HGSNAT: variants seen among roughly 807,000 people sequenced by gnomAD.
The protein encoded by HGSNAT is heparan-alpha-glucosaminide N-acetyltransferase, also known as transmembrane protein 76.
HGSNAT carries 59 observed loss-of-function variants against 85.2 expected under a neutral mutation model. The observed-to-expected ratio is 0.69, with a 90% CI of 0.56 to 0.86. HGSNAT has a LOEUF of 0.86. HGSNAT is among the 40% of genes least tolerant of loss of function. The pLI is 0.00. For synonymous variants in HGSNAT, 321 were observed against 304.5 expected (o/e 1.05, Z -0.56); for missense variants, 756 against 777.1 (o/e 0.97, Z 0.32).
chr8:43,173,599 C>T, intron 8 of HGSNAT, 114 bp from the exon 9 acceptor site: 1 of 1,156,676 alleles, frequency 8.6e-7, no homozygotes, highest in Non-Finnish European at 1.3e-6. Flanking sequence ...GCATGAGTCA[C>T]TGCGCCTCCC....
intron 2 of HGSNAT, among the ~76,000 whole-genome samples, chr8:43,149,569 G>A (rs993410996): frequency 2.0e-4 from 31 of 151,906 alleles, no homozygotes; most frequent in African/African-American, 7.0e-4. Flanking sequence ...GCATGGTGGC[G>A]GGCGCCTGTA....
In HGSNAT at chr8:43,158,640, T is replaced by C. The variant is rs2130714138; in HGVS notation, c.300T>C (p.Ala100=). ...AAGCAGGGAAGCCTAGTGCTGCAGC[T>C]GCCTCTGTCAGCACCCAGCACGGAT... ...SPKAGKPSAA[A]ASVSTQHGSI... is the part of the protein sequence containing the mutation. The change falls in exon 3 of 18, where the codon GCT becomes GCC. Residue 100 remains alanine, a synonymous_variant. Coordinates refer to ENST00000379644, the MANE Select transcript of HGSNAT (RefSeq NM_152419.3). 1.2e-6 allele frequency: 2 copies of C among 1,613,624 alleles called. No individual in the cohort carries two copies. The highest frequency in any genetic ancestry group is 1.7e-6 in the Non-Finnish European group (2 of 1,179,530).
intron 5 of HGSNAT, among the ~76,000 whole-genome samples, chr8:43,166,535 T>G (rs1487130693): frequency 6.6e-6 from 1 of 152,240 alleles, no homozygotes; most frequent in Non-Finnish European, 1.5e-5. Flanking sequence ...CACATCTGTT[T>G]ACAGCGTGGC....
Position 43,173,769 on chromosome 8 carries a change from C to G in HGSNAT, c.851+26C>G, listed in dbSNP as rs772309382. 3 of 1,607,066 alleles carry G rather than the reference C, an allele frequency of 1.9e-6. No individual in the cohort carries two copies. In the Admixed American group the frequency reaches 5.1e-5, roughly 27 times the overall value. ...GTGAGTTGCCGGTCTGCCCTCTTCT[C>G]TTCCACGGGTTGACTCCAATCTCCT... is the stretch of plus-strand genomic sequence containing the variant. On this transcript the variant is annotated intron_variant, in intron 9 of 17. Transcript: ENST00000379644.
At chr8:43,179,272 G>T (rs1381816368) in intron 10 of HGSNAT, among the ~76,000 whole-genome samples, 1 of 151,020 alleles carries the variant, frequency 6.6e-6, no homozygotes, top group Non-Finnish European at 1.5e-5. Flanking sequence ...GGACGGGGCG[G>T]CTGGCCAGGC....
At position 43,169,223 on chromosome 8, in the gene HGSNAT, C is replaced by A. The variant is rs1454265686; in HGVS notation, c.614C>A (p.Thr205Asn). 1 of 1,584,756 alleles carries A rather than the reference C, an allele frequency of 6.3e-7. No individual in the cohort carries two copies. Among genetic ancestry groups the A allele is most frequent in the South Asian group, 1.2e-5 (1 of 86,216 alleles). ...TCTAAAGCCATAAGTTCTCGAGAAA[C>A]TGATCGCCTCATCAATTCTGTAAGT... The part of the protein sequence containing the change: ...WISKAISSRE[T>N]DRLINSELGS... The change falls in exon 6 of 18, where the codon ACT becomes AAT. Residue 205 changes from threonine (T) to asparagine (N), a missense_variant. Physicochemically the swap from Thr to Asn is moderately conservative, Grantham distance 65. Coordinates refer to ENST00000379644, the MANE Select transcript of HGSNAT (RefSeq NM_152419.3).
At chr8:43,141,103 G>A (rs1056380764) in intron 1 of HGSNAT, among the ~76,000 whole-genome samples, 9 of 152,216 alleles carry the variant, frequency 5.9e-5, no homozygotes, top group African/African-American at 2.2e-4. Context: ...CGACCCATTG[G>A]CTTCAGCGGG....
At chr8:43,157,754 G>T (rs1803136646) in intron 2 of HGSNAT, among the ~76,000 whole-genome samples, 1 of 151,944 alleles carries the variant, frequency 6.6e-6, no homozygotes, top group Non-Finnish European at 1.5e-5. Context: ...CTCCAACCTG[G>T]GTGACAGAGT....
In HGSNAT at chr8:43,200,466, C is replaced by T. The variant is rs924332577; in HGVS notation, c.*897C>T. 2.0e-5 allele frequency: 3 copies of T among 152,226 alleles called. No individual in the cohort carries two copies. The highest frequency in any genetic ancestry group is 4.4e-5 in the Non-Finnish European group (3 of 68,038). 9.4% of individuals were successfully genotyped at this position (152,226 alleles called of 1,614,324 possible). A position where few individuals can be genotyped will look rare whatever the true frequency, so the allele number is the denominator to read the frequency against. ...CTCTTAGACATGGTGAGGTAACAGACATCAAAAGCTTTTCTGAAATCTTCA... is the reference window on the plus strand; with the variant it reads ...CTCTTAGACATGGTGAGGTAACAGATATCAAAAGCTTTTCTGAAATCTTCA... On this transcript the variant is annotated 3_prime_UTR_variant, in exon 18 of 18. Coordinates refer to ENST00000379644, the MANE Select transcript of HGSNAT (RefSeq NM_152419.3).
rs2130714083 is a variant in HGSNAT, at chr8:43,158,634, T to C, written c.294T>C (p.Ala98=). The C allele has an allele frequency of 1.2e-6, 2 of 1,614,014 alleles. No individual in the cohort carries two copies. Among genetic ancestry groups the C allele is most frequent in the Non-Finnish European group, 1.7e-6 (2 of 1,179,862 alleles). Reference sequence around the variant, plus strand: ...GTCCAAAAGCAGGGAAGCCTAGTGCTGCAGCTGCCTCTGTCAGCACCCAGC... The same window carrying C: ...GTCCAAAAGCAGGGAAGCCTAGTGCCGCAGCTGCCTCTGTCAGCACCCAGC... ...PQSPKAGKPS[A]AAASVSTQHG... Residue 98 remains alanine, a synonymous_variant, in exon 3 of 18, where the codon GCT becomes GCC. Coordinates refer to ENST00000379644, the MANE Select transcript of HGSNAT (RefSeq NM_152419.3).
chr8:43,185,796 T>A (rs985983008), intron 11 of HGSNAT, among the ~76,000 whole-genome samples: 2 of 152,238 alleles, frequency 1.3e-5, no homozygotes, highest in Admixed American at 6.5e-5. Context: ...GCTCTTATTA[T>A]TTTGAGACAG....
intron 11 of HGSNAT, among the ~76,000 whole-genome samples, chr8:43,189,047 G>A (rs1212267393): frequency 6.6e-6 from 1 of 152,174 alleles, no homozygotes; most frequent in Non-Finnish European, 1.5e-5. Context: ...GGTCCCTACT[G>A]GGAGGTGTCT....
At chr8:43,189,687 C>T (rs751812833) in intron 11 of HGSNAT, among the ~76,000 whole-genome samples, 3 of 152,314 alleles carry the variant, frequency 2.0e-5, no homozygotes, top group South Asian at 2.1e-4. Flanking sequence ...CTGTCTTCTG[C>T]GTCGCTCACA....
chr8:43,147,471 C>G lies in HGSNAT; in HGVS notation c.234+408C>G, dbSNP rs112905711. ...CCTGCCTCCCTGATGATAACAAATG[C>G]ATTTTCTCTGAAGGTTTTACTCCTA... On this transcript the variant is annotated intron_variant, in intron 2 of 17. Transcript: ENST00000379644. Among the ~76,000 whole-genome samples, 648 of 152,248 alleles carry G rather than the reference C, an allele frequency of 4.3e-3. 4 individuals carry two copies. The highest frequency in any genetic ancestry group is 0.015 in the African/African-American group (608 of 41,538).
intron 13 of HGSNAT, 26 bp downstream of exon 13, chr8:43,192,456 A>T (rs748898043): frequency 5.1e-6 from 8 of 1,580,900 alleles, no homozygotes; most frequent in Non-Finnish European, 6.9e-6. Context: ...GTTCGCTTAG[A>T]ACTGGAACTC....
chr8:43,158,794 A>G (rs1803175849), intron 3 of HGSNAT, 83 bp downstream of exon 3: 1 of 1,504,554 alleles, frequency 6.6e-7, no homozygotes. Context: ...TTCTCTTTAC[A>G]GTATTTTTCT....
chr8:43,186,298 A>G (rs1804307010), intron 11 of HGSNAT, among the ~76,000 whole-genome samples: 3 of 152,168 alleles, frequency 2.0e-5, no homozygotes, highest in Non-Finnish European at 4.4e-5. Context: ...GCTATTAATT[A>G]TTGCTTCAAT....
At chr8:43,144,400 A>T (rs1802650252) in intron 1 of HGSNAT, among the ~76,000 whole-genome samples, 1 of 151,682 alleles carries the variant, frequency 6.6e-6, no homozygotes, top group Non-Finnish European at 1.5e-5. Flanking sequence ...CATTGGTTGG[A>T]TGTGGCCTGG....
intron 13 of HGSNAT, among the ~76,000 whole-genome samples, chr8:43,193,135 G>C (rs1804599036): frequency 6.6e-6 from 1 of 152,202 alleles, no homozygotes; most frequent in South Asian, 2.1e-4. Flanking sequence ...GCTCTCTTTA[G>C]TCAAGGGCAG....
Sources: gnomAD v4.1 joint callset for allele counts (sites outside exome capture counted in the v4.1 genomes callset) on GRCh38, gnomAD v4.1.1 for gene constraint, MANE v1.5 for transcripts, NCBI Gene and HGNC (gene_info 2026-07-23, HGNC 2026-07-21) for gene names.